The following ENTPD1 variants were observed in gnomAD, a reference collection of about 807,000 sequenced individuals.
ENTPD1 encodes the protein ATP diphosphohydrolase.
A neutral mutation model predicts 57.0 loss-of-function variants in ENTPD1; 33 were observed. The observed-to-expected ratio is 0.58, with a 90% CI of 0.44 to 0.77. The LOEUF (loss-of-function observed/expected upper bound fraction) is 0.77, where lower values mean the gene tolerates loss of function less well. Among genes scored for constraint, ENTPD1 ranks in the 30% least tolerant of loss-of-function variants. The pLI is 0.00. For missense variants in ENTPD1, 501 were observed against 603.4 expected, an observed-to-expected ratio of 0.83 and a Z score of 1.78; for synonymous variants, 202 against 218.8, an observed-to-expected ratio of 0.92 and a Z score of 0.68.
intron 1 of ENTPD1, among the ~76,000 whole-genome samples, chr10:95,797,269 G>C (rs752356678): frequency 2.0e-5 from 3 of 152,064 alleles, no homozygotes; most frequent in Non-Finnish European, 2.9e-5. Context: ...TTTAGACATG[G>C]TGAGTTTGGC....
intron 1 of ENTPD1, among the ~76,000 whole-genome samples, chr10:95,766,955 ATGTAACCT>A (rs1566121370): frequency 1.3e-5 from 2 of 151,558 alleles, no homozygotes; most frequent in Non-Finnish European, 2.9e-5. Context: ...TCATAGCTCA[ATGTAACCT>A]TGAACTCCTG....
At chr10:95,714,983 C>T (rs970160804) in intron 1 of ENTPD1, among the ~76,000 whole-genome samples, 4 of 152,128 alleles carry the variant, frequency 2.6e-5, no homozygotes, top group African/African-American at 9.7e-5. Context: ...TGAAAAGAAT[C>T]GTTAAGTTTT....
chr10:95,729,304 T>C (rs988583835), intron 1 of ENTPD1, among the ~76,000 whole-genome samples: 17 of 152,300 alleles, frequency 1.1e-4, no homozygotes, highest in Non-Finnish European at 2.1e-4. Flanking sequence ...AAGTGGCTTA[T>C]CACTTCATAG....
chr10:95,706,275 C>T, the ENTPD1 span, among the ~76,000 whole-genome samples: 1 of 152,196 alleles, frequency 6.6e-6, no homozygotes, highest in East Asian at 1.9e-4. Flanking sequence ...TTCCTAGAAA[C>T]CTCTGTGGCC....
chr10:95,711,700 A>G (rs1371058317), upstream of ENTPD1: 13 of 474,254 alleles, frequency 2.7e-5, no homozygotes, highest in East Asian at 4.0e-4. Context: ...CTCCCTCCTC[A>G]GCCTCCCAAA....
chr10:95,746,148 GA>G (rs2098005828), intron 1 of ENTPD1, among the ~76,000 whole-genome samples: 1 of 152,108 alleles, frequency 6.6e-6, no homozygotes, highest in Non-Finnish European at 1.5e-5. Flanking sequence ...ATCAGAGGGG[GA>G]AAAAGCAAGA....
chr10:95,855,759 T>C (rs2098453473), intron 7 of ENTPD1, among the ~76,000 whole-genome samples: 1 of 152,256 alleles, frequency 6.6e-6, no homozygotes, highest in African/African-American at 2.4e-5. Flanking sequence ...ATGTTGAATA[T>C]TGGCTACCAC....
chr10:95,862,105 A>G (rs1019617955), intron 8 of ENTPD1, among the ~76,000 whole-genome samples: 1 of 152,116 alleles, frequency 6.6e-6, no homozygotes, highest in African/African-American at 2.4e-5. Flanking sequence ...TTAGACCTGT[A>G]GTTCTGCTCA....
At chr10:95,700,437 A>G in the ENTPD1 span, among the ~76,000 whole-genome samples, 127,889 of 152,184 alleles carry the variant, frequency 0.84, 54,306 homozygotes, top group Non-Finnish European at 0.91. Flanking sequence ...GAGAGGCTGA[A>G]GCAGGAGGAT....
At chr10:95,777,871 C>T (rs1387051648) in intron 1 of ENTPD1, among the ~76,000 whole-genome samples, 5 of 152,204 alleles carry the variant, frequency 3.3e-5, no homozygotes, top group Non-Finnish European at 7.4e-5. Flanking sequence ...GGCGGATGCC[C>T]CTCCGCCTGC....
intron 1 of ENTPD1, among the ~76,000 whole-genome samples, chr10:95,797,873 A>G (rs1166047649): frequency 6.6e-6 from 1 of 152,236 alleles, no homozygotes; most frequent in Non-Finnish European, 1.5e-5. Context: ...ACTGTGCATC[A>G]TCGCCATAGA....
At chr10:95,821,062 A>G (rs2098349029) in intron 1 of ENTPD1, among the ~76,000 whole-genome samples, 1 of 152,184 alleles carries the variant, frequency 6.6e-6, no homozygotes, top group Non-Finnish European at 1.5e-5. Context: ...TATATTTATA[A>G]TTGGTTGTTT....
chr10:95,858,635 C>T (rs188616332), intron 7 of ENTPD1, among the ~76,000 whole-genome samples: 1 of 151,984 alleles, frequency 6.6e-6, no homozygotes, highest in East Asian at 1.9e-4. Flanking sequence ...TTTTTCTGCA[C>T]CTGGGATACA....
chr10:95,757,286 G>A (rs1307757287), intron 1 of ENTPD1, among the ~76,000 whole-genome samples: 1 of 152,178 alleles, frequency 6.6e-6, no homozygotes, highest in East Asian at 1.9e-4. Flanking sequence ...CTTGTCACAT[G>A]AACCTTACAA....
chr10:95,866,607 C>T lies in ENTPD1; in HGVS notation c.*224C>T. 2 of 1,392,470 alleles carry T rather than the reference C, an allele frequency of 1.4e-6. No homozygotes were observed. Among genetic ancestry groups the T allele is most frequent in the Non-Finnish European group, 1.9e-6 (2 of 1,073,760 alleles). The allele number at this position is 1,392,470 out of a possible 1,614,324, so 86.3% of individuals were successfully genotyped here. On this transcript the variant is annotated 3_prime_UTR_variant, in exon 10 of 10. Transcript: ENST00000371205. ...TGTCTCTTTCATGAGTTTTTCCCAGCTACACCTTTCTCCTTTGTACTTTGT... is the reference window on the plus strand; with the variant it reads ...TGTCTCTTTCATGAGTTTTTCCCAGTTACACCTTTCTCCTTTGTACTTTGT...
chr10:95,742,626 T>C (rs1391604174), intron 1 of ENTPD1, among the ~76,000 whole-genome samples: 3 of 151,834 alleles, frequency 2.0e-5, no homozygotes, highest in African/African-American at 7.3e-5. Context: ...TTGAGTTCAA[T>C]GTAACAAGGC....
chr10:95,781,694 G>A (rs974847924), intron 1 of ENTPD1, among the ~76,000 whole-genome samples: 1 of 152,192 alleles, frequency 6.6e-6, no homozygotes, highest in East Asian at 1.9e-4. Flanking sequence ...AACGAAAAGA[G>A]GGCCAGGACC....
the ENTPD1 span, among the ~76,000 whole-genome samples, chr10:95,705,093 T>G: frequency 5.9e-5 from 9 of 152,136 alleles, no homozygotes; most frequent in Non-Finnish European, 1.5e-5. Flanking sequence ...GAATTCCATA[T>G]CTTTTAAAGT....
chr10:95,726,577 G>C (rs565882927), intron 1 of ENTPD1, among the ~76,000 whole-genome samples: 13 of 152,240 alleles, frequency 8.5e-5, no homozygotes, highest in Admixed American at 2.6e-4. Context: ...TTTTATTTTA[G>C]TAGTTGAAAA....
Sources: allele counts gnomAD v4.1 joint callset (sites outside exome capture counted in the v4.1 genomes callset), GRCh38; gene constraint gnomAD v4.1.1; transcripts MANE v1.5; gene names NCBI Gene and HGNC (gene_info 2026-07-23, HGNC 2026-07-21).